The following FREM2 variants were observed in gnomAD, a reference collection of about 807,000 sequenced individuals.
The protein encoded by FREM2 is FRAS1-related extracellular matrix protein 2.
A neutral mutation model predicts 219.9 loss-of-function variants in FREM2; 119 were observed. The ratio of observed to expected loss-of-function variants is 0.54; its 90% CI spans 0.47 to 0.63. The LOEUF (loss-of-function observed/expected upper bound fraction) is 0.63, where lower values mean the gene tolerates loss of function less well. Among genes scored for constraint, FREM2 ranks in the 30% least tolerant of loss-of-function variants. The pLI is 0.00. For synonymous variants in FREM2, 1,562 were observed against 1,522.8 expected, an observed-to-expected ratio of 1.03 and a Z score of -0.60; for missense variants, 4,030 against 3,993.6, an observed-to-expected ratio of 1.01 and a Z score of -0.25.
intron 2 of FREM2, among the ~76,000 whole-genome samples, chr13:38,756,461 G>A (rs571093740): frequency 2.0e-5 from 3 of 151,450 alleles, no homozygotes; most frequent in East Asian, 3.9e-4. Flanking sequence ...TCTTTGCAAG[G>A]CCCATCACAG....
intron 6 of FREM2, among the ~76,000 whole-genome samples, chr13:38,813,545 CTCTCTCTCTCTCTCTCTCTATATATATA>C (rs1739231860): frequency 3.6e-5 from 1 of 28,054 alleles, no homozygotes; most frequent in East Asian, 1.2e-3. Flanking sequence ...CTCTCTCTCT[CTCTCTCTCTCTCTCTCTCTATATATATA>C]TATATATATA....
Position 38,776,933 on chromosome 13 carries a change from G to A in FREM2, c.5642-6137G>A, listed in dbSNP as rs1199126099. ...GAGAGTTGACTATTTCTATAATGTA[G>A]CCCTTAACTGTCTCTCAGTGAACAC... is the stretch of plus-strand genomic sequence containing the variant. On this transcript the variant is annotated intron_variant, in intron 4 of 23. Transcript: ENST00000280481. 2.6e-5 allele frequency among the ~76,000 whole-genome samples: 4 copies of A among 152,068 alleles called. No homozygotes were observed. In the South Asian group the frequency reaches 8.3e-4, roughly 32 times the overall value.
chr13:38,875,889 T>A, intron 18 of FREM2, 133 bp from the exon 19 acceptor site: 1 of 860,976 alleles, frequency 1.2e-6, no homozygotes, highest in Non-Finnish European at 1.9e-6. Flanking sequence ...ATACTAACCA[T>A]GACTGCTTTG....
intron 18 of FREM2, among the ~76,000 whole-genome samples, chr13:38,875,197 T>G (rs1878301187): frequency 6.6e-6 from 1 of 152,046 alleles, no homozygotes; most frequent in Non-Finnish European, 1.5e-5. Context: ...AAGAGCTTAT[T>G]TTTTATTTGA....
chr13:38,736,058 T>C (rs9532273), intron 2 of FREM2, among the ~76,000 whole-genome samples: 77,370 of 152,050 alleles, frequency 0.51, 23,728 homozygotes, highest in Non-Finnish European at 0.67. Flanking sequence ...GCGAAAGGGC[T>C]TCAGTGTATC....
At chr13:38,756,497 C>T (rs1873004093) in intron 2 of FREM2, among the ~76,000 whole-genome samples, 1 of 150,538 alleles carries the variant, frequency 6.6e-6, no homozygotes, top group South Asian at 2.1e-4. Context: ...GAACGCCAGA[C>T]ACTGCTTCAG....
chr13:38,875,880 T>C (rs1295327060), intron 18 of FREM2, 142 bp from the exon 19 acceptor site: 2 of 805,330 alleles, frequency 2.5e-6, no homozygotes, highest in Non-Finnish European at 4.2e-6. Flanking sequence ...AGGATAATTA[T>C]ACTAACCATG....
chr13:38,789,688 T>C (rs1874481482), intron 6 of FREM2, among the ~76,000 whole-genome samples: 1 of 151,428 alleles, frequency 6.6e-6, no homozygotes, highest in Admixed American at 6.6e-5. Flanking sequence ...ACTTAACTCA[T>C]CCACTGAGAT....
chr13:38,766,958 A>G (rs745445122), intron 3 of FREM2, among the ~76,000 whole-genome samples: 3 of 152,172 alleles, frequency 2.0e-5, no homozygotes, highest in African/African-American at 7.2e-5. Context: ...ATGTTTATTG[A>G]GTTATTTGCT....
Position 38,886,935 on chromosome 13 carries a change from C to T in FREM2, c.*6148C>T, listed in dbSNP as rs1878751833. On this transcript the variant is annotated 3_prime_UTR_variant, in exon 24 of 24. Transcript: ENST00000280481. ...ACTATCAGGGTCTAGTTTTATCATA[C>T]ATTTACTAAGTTACTACATATTGGT... 6.6e-6 allele frequency: 1 copy of T among 152,112 alleles called. No homozygotes were observed. The highest frequency in any genetic ancestry group is 1.5e-5 in the Non-Finnish European group (1 of 68,026). The allele number at this position is 152,112 out of a possible 1,614,324, so 9.4% of individuals were successfully genotyped here. A position where few individuals can be genotyped will look rare whatever the true frequency, so the allele number is the denominator to read the frequency against.
At chr13:38,725,471 G>C (rs1871479100) in intron 2 of FREM2, among the ~76,000 whole-genome samples, 1 of 152,212 alleles carries the variant, frequency 6.6e-6, no homozygotes, top group Non-Finnish European at 1.5e-5. Context: ...CGCCAGTTAT[G>C]CTTTGTTCAA....
At chr13:38,848,342 G>C in intron 7 of FREM2, 119 bp from the exon 8 acceptor site, 1 of 781,086 alleles carries the variant, frequency 1.3e-6, no homozygotes, top group South Asian at 1.5e-5. Flanking sequence ...TTTCTGTAGA[G>C]TTATGCTGGT....
chr13:38,819,675 G>T (rs1875945938), intron 6 of FREM2, among the ~76,000 whole-genome samples: 1 of 152,044 alleles, frequency 6.6e-6, no homozygotes. Flanking sequence ...TAGCTATCAT[G>T]AACACCTTCC....
chr13:38,792,736 A>G (rs1874611672), intron 6 of FREM2, among the ~76,000 whole-genome samples: 1 of 151,260 alleles, frequency 6.6e-6, no homozygotes, highest in South Asian at 2.1e-4. Flanking sequence ...TAGGCAGCTA[A>G]TATTCACTCA....
At chr13:38,749,208 G>A (rs1872607267) in intron 2 of FREM2, among the ~76,000 whole-genome samples, 1 of 152,132 alleles carries the variant, frequency 6.6e-6, no homozygotes, top group Non-Finnish European at 1.5e-5. Flanking sequence ...ACACAGTTTG[G>A]TGCATTTCTC....
At chr13:38,721,467 C>A (rs2496443) in intron 2 of FREM2, among the ~76,000 whole-genome samples, 121,762 of 151,656 alleles carry the variant, frequency 0.8, 49,681 homozygotes, top group South Asian at 0.89. Flanking sequence ...CAGCACCAGA[C>A]AAGTAGCTGC....
rs569586616 is a variant in FREM2 at position 38,822,366 on chromosome 13, T to TTTG, written c.6020-24205_6020-24204insGTT. ...TTCTTTCTTTTTTTTTTTTTTTTTT[T>TTTG]TTTTTAAGAATCACACTTATTCAGA... On this transcript the variant is annotated intron_variant, in intron 6 of 23. Transcript: ENST00000280481. Among the ~76,000 whole-genome samples, 105 of 146,808 alleles carry TTTG rather than the reference T, an allele frequency of 7.2e-4. No homozygotes were observed. In the South Asian group the frequency reaches 0.01, roughly 15 times the overall value.
chr13:38,723,824 T>C (rs529231669), intron 2 of FREM2, among the ~76,000 whole-genome samples: 1 of 152,334 alleles, frequency 6.6e-6, no homozygotes, highest in South Asian at 2.1e-4. Context: ...TTATGGTTTG[T>C]AGCTTATTTA....
chr13:38,731,345 CAT>C (rs1177057485), intron 2 of FREM2, among the ~76,000 whole-genome samples: 1 of 152,050 alleles, frequency 6.6e-6, no homozygotes, highest in Non-Finnish European at 1.5e-5. Flanking sequence ...TTTAAAACAG[CAT>C]AGAGATGTTA....
Sources: gnomAD v4.1 joint callset for allele counts (sites outside exome capture counted in the v4.1 genomes callset) on GRCh38, gnomAD v4.1.1 for gene constraint, MANE v1.5 for transcripts, NCBI Gene and HGNC (gene_info 2026-07-23, HGNC 2026-07-21) for gene names.